The following ALOX5AP variants were observed in gnomAD, a reference collection of about 807,000 sequenced individuals.
The protein encoded by ALOX5AP is arachidonate 5-lipoxygenase activating protein.
ALOX5AP carries 9 observed loss-of-function variants against 18.5 expected under a neutral mutation model. That is an observed-to-expected ratio of 0.49 (90% CI 0.29 to 0.85). ALOX5AP has a LOEUF of 0.85. ALOX5AP is among the 40% of genes least tolerant of loss of function. The pLI is 0.08. For missense variants in ALOX5AP, 172 were observed against 202.5 expected, an observed-to-expected ratio of 0.85 and a Z score of 0.91; for synonymous variants, 81 against 78.6, an observed-to-expected ratio of 1.03 and a Z score of -0.16.
At chr13:30,746,515 G>C (rs901304470) in intron 2 of ALOX5AP, among the ~76,000 whole-genome samples, 1 of 152,152 alleles carries the variant, frequency 6.6e-6, no homozygotes, top group Admixed American at 6.6e-5. Flanking sequence ...GTTGTAAAAA[G>C]GGTCAAAGAT....
rs199505040 is a variant in ALOX5AP, at chr13:30,752,159, A to G, written c.241+37A>G. 21 of 1,599,762 alleles carry G rather than the reference A, an allele frequency of 1.3e-5. No homozygotes were observed. The East Asian group carries it at 4.2e-4, about 32-fold the overall frequency. On this transcript the variant is annotated intron_variant, in intron 3 of 4. Coordinates refer to ENST00000380490, the MANE Select transcript of ALOX5AP (RefSeq NM_001629.4). Reference sequence around the variant, plus strand: ...TTCCCTTTGTTCATTCTCCTTCTATAAAGTGCATCTCAAGGAGGTTCAAAG... The same window carrying G: ...TTCCCTTTGTTCATTCTCCTTCTATGAAGTGCATCTCAAGGAGGTTCAAAG...
At position 30,752,079 on chromosome 13, in the gene ALOX5AP, T is replaced by C. The variant is rs1951856520; in HGVS notation, c.198T>C (p.Thr66=). Residue 66 remains threonine (T), a synonymous_variant, in exon 3 of 5, where the codon ACT becomes ACC. Transcript: ENST00000380490. ...AGAACTGTGTAGATGCGTACCCCAC[T>C]TTCCTCGCTGTGCTCTGGTCTGCGG... The part of the protein sequence containing the change: ...ANQNCVDAYP[T]FLAVLWSAGL... 2 of 1,613,508 alleles carry C rather than the reference T, an allele frequency of 1.2e-6. No individual in the cohort carries two copies. The highest frequency in any genetic ancestry group is 4.5e-5 in the East Asian group (2 of 44,804).
upstream of ALOX5AP, among the ~76,000 whole-genome samples, chr13:30,730,721 C>T (rs767894446): frequency 3.3e-5 from 5 of 151,286 alleles, no homozygotes; most frequent in Non-Finnish European, 5.9e-5. Flanking sequence ...ATAGTGGCCC[C>T]GTTGCCATGG....
At chr13:30,726,435 C>G (rs1039894960) in intron 1 of ALOX5AP, among the ~76,000 whole-genome samples, 2 of 152,184 alleles carry the variant, frequency 1.3e-5, no homozygotes, top group Non-Finnish European at 1.5e-5. Context: ...GGAACTTGGA[C>G]TCACTGAGGA....
chr13:30,732,483 C>T (rs1420850049), upstream of ALOX5AP, among the ~76,000 whole-genome samples: 1 of 152,176 alleles, frequency 6.6e-6, no homozygotes, highest in Non-Finnish European at 1.5e-5. Flanking sequence ...AGAGTGAATA[C>T]ACTTCTCACT....
chr13:30,756,661 A>G (rs4399410), intron 4 of ALOX5AP, among the ~76,000 whole-genome samples: 13,797 of 151,704 alleles, frequency 0.091, 740 homozygotes, highest in East Asian at 0.14. Flanking sequence ...AATATACAAA[A>G]CATTAGCCAG....
chr13:30,735,802 TTTC>T, intron 1 of ALOX5AP, 127 bp downstream of exon 1: 1 of 1,124,334 alleles, frequency 8.9e-7, no homozygotes, highest in Non-Finnish European at 1.2e-6. Flanking sequence ...TTATCTTTAT[TTTC>T]TTCTTTTTAT....
rs201411242 is a variant in ALOX5AP at position 30,722,418 on chromosome 13, A to AT, written c.116+8586dup. 9.0e-3 allele frequency among the ~76,000 whole-genome samples: 1,361 copies of AT among 151,568 alleles called. 7 individuals carry two copies. The highest frequency in any genetic ancestry group is 0.036 in the South Asian group (171 of 4,784). On this transcript the variant is annotated intron_variant, in intron 1 of 5. Transcript: ENST00000617770. Reference sequence around the variant, plus strand: ...TACGTGTTTAAGCCATTGCTATTTTATTTTTTTTTGTTTATATGCAAAAGA... The same window carrying AT: ...TACGTGTTTAAGCCATTGCTATTTTATTTTTTTTTTGTTTATATGCAAAAGA...
At chr13:30,757,266 G>A (rs1951903917) in intron 4 of ALOX5AP, among the ~76,000 whole-genome samples, 1 of 152,106 alleles carries the variant, frequency 6.6e-6, no homozygotes, top group Non-Finnish European at 1.5e-5. Flanking sequence ...GGGTGAAAGC[G>A]CTATATCTGG....
chr13:30,759,154 C>G (rs913126804), intron 4 of ALOX5AP, among the ~76,000 whole-genome samples: 1 of 152,088 alleles, frequency 6.6e-6, no homozygotes, highest in African/African-American at 2.4e-5. Flanking sequence ...TTCATTTAAG[C>G]TATTACCTGG....
intron 4 of ALOX5AP, among the ~76,000 whole-genome samples, chr13:30,762,508 G>C (rs1951950044): frequency 6.6e-6 from 1 of 151,730 alleles, no homozygotes; most frequent in Admixed American, 6.6e-5. Context: ...AGAATCGCTT[G>C]AACCCGGGAG....
At chr13:30,735,503 A>ATTG, upstream of ALOX5AP, 1 of 1,550,394 alleles carries the variant, frequency 6.4e-7, no homozygotes, top group Non-Finnish European at 8.7e-7. Flanking sequence ...ATCTTCAGAA[A>ATTG]TTGTAATGAT....
chr13:30,760,176 A>G (rs1951929363), intron 4 of ALOX5AP, among the ~76,000 whole-genome samples: 1 of 151,902 alleles, frequency 6.6e-6, no homozygotes, highest in African/African-American at 2.4e-5. Context: ...TCTGAAAAGA[A>G]CAGATTTTTA....
At chr13:30,760,734 A>T (rs1951934535) in intron 4 of ALOX5AP, among the ~76,000 whole-genome samples, 2 of 152,174 alleles carry the variant, frequency 1.3e-5, no homozygotes, top group Non-Finnish European at 2.9e-5. Context: ...GATGGAAAAT[A>T]GGTTTACAAT....
At chr13:30,751,345 G>A (rs1380349818) in intron 2 of ALOX5AP, among the ~76,000 whole-genome samples, 1 of 152,182 alleles carries the variant, frequency 6.6e-6, no homozygotes, top group Non-Finnish European at 1.5e-5. Flanking sequence ...TACAAGGCGT[G>A]TTGTTTTAAG....
At chr13:30,715,230 T>A (rs922751330) in intron 1 of ALOX5AP, among the ~76,000 whole-genome samples, 2 of 152,190 alleles carry the variant, frequency 1.3e-5, no homozygotes, top group Non-Finnish European at 2.9e-5. Flanking sequence ...CTTCACTTCC[T>A]CTGTAAAAAG....
chr13:30,718,738 G>T (rs75691899), intron 1 of ALOX5AP, among the ~76,000 whole-genome samples: 1 of 152,172 alleles, frequency 6.6e-6, no homozygotes, highest in Non-Finnish European at 1.5e-5. Context: ...GCCGGGATCA[G>T]GGTCGCCCTA....
chr13:30,737,654 T>C (rs893824256), intron 1 of ALOX5AP, among the ~76,000 whole-genome samples: 1 of 152,120 alleles, frequency 6.6e-6, no homozygotes, highest in African/African-American at 2.4e-5. Context: ...AGCTAATTTT[T>C]TGGGCTGGAG....
chr13:30,725,572 G>A (rs1951633394), intron 1 of ALOX5AP, among the ~76,000 whole-genome samples: 1 of 152,192 alleles, frequency 6.6e-6, no homozygotes, highest in Admixed American at 6.5e-5. Flanking sequence ...ACCATTCCCT[G>A]GGCTAGAAAA....
Sources: allele counts gnomAD v4.1 joint callset (sites outside exome capture counted in the v4.1 genomes callset), GRCh38; gene constraint gnomAD v4.1.1; transcripts MANE v1.5; gene names NCBI Gene and HGNC (gene_info 2026-07-23, HGNC 2026-07-21).